The following RALYL variants were observed in gnomAD, a reference collection of about 807,000 sequenced individuals.
The protein encoded by RALYL is RNA-binding Raly-like protein.
RALYL carries 29 observed loss-of-function variants against 35.1 expected under a neutral mutation model. The ratio of observed to expected loss-of-function variants is 0.83; its 90% CI spans 0.61 to 1.13. RALYL has a LOEUF of 1.13. Among genes scored for constraint, RALYL ranks in the 50% most tolerant of loss-of-function variants. RALYL has a pLI of 0.00. For synonymous variants in RALYL, 120 were observed against 127.6 expected (o/e 0.94, Z 0.40); for missense variants, 359 against 360.4 (o/e 1.00, Z 0.03).
chr8:84,897,487 CA>C (rs1246459682), intron 8 of RALYL, among the ~76,000 whole-genome samples: 18 of 152,164 alleles, frequency 1.2e-4, no homozygotes, highest in African/African-American at 4.3e-4. Context: ...ACATTCAATT[CA>C]AAACAATTTA....
chr8:84,345,760 T>C (rs115869441), intron 1 of RALYL, among the ~76,000 whole-genome samples: 2,900 of 152,170 alleles, frequency 0.019, 89 homozygotes, highest in African/African-American at 0.066. Flanking sequence ...CTATGCTAGA[T>C]ACAAGTGTTA....
At chr8:84,559,120 A>T (rs1415574719) in intron 2 of RALYL, among the ~76,000 whole-genome samples, 4 of 151,618 alleles carry the variant, frequency 2.6e-5, no homozygotes, top group South Asian at 2.1e-4. Flanking sequence ...ACTGAGTGAT[A>T]TTTTTTTTAA....
chr8:84,424,785 G>A (rs1346972441), intron 1 of RALYL, among the ~76,000 whole-genome samples: 1 of 152,056 alleles, frequency 6.6e-6, no homozygotes, highest in African/African-American at 2.4e-5. Context: ...ACCCTCAGCT[G>A]CAGGTCTGTT....
At chr8:84,544,396 G>T (rs1251534431) in intron 2 of RALYL, among the ~76,000 whole-genome samples, 1 of 151,610 alleles carries the variant, frequency 6.6e-6, no homozygotes, top group Non-Finnish European at 1.5e-5. Context: ...GATAAATCAT[G>T]ATGTGTTAAA....
chr8:84,694,126 A>C (rs1370739818), intron 2 of RALYL, among the ~76,000 whole-genome samples: 1 of 151,942 alleles, frequency 6.6e-6, no homozygotes, highest in East Asian at 1.9e-4. Flanking sequence ...TGGGTAAGAC[A>C]AAGAAATAAA....
At chr8:84,734,870 A>T (rs1433282163) in intron 2 of RALYL, among the ~76,000 whole-genome samples, 1 of 152,148 alleles carries the variant, frequency 6.6e-6, no homozygotes, top group Non-Finnish European at 1.5e-5. Context: ...GAAAGAACCA[A>T]CAATTAAATA....
At chr8:84,290,858 A>C (rs1052157801) in intron 1 of RALYL, among the ~76,000 whole-genome samples, 2 of 152,188 alleles carry the variant, frequency 1.3e-5, no homozygotes, top group African/African-American at 4.8e-5. Context: ...CATTGGAGAA[A>C]AGTAGTATAT....
intron 2 of RALYL, among the ~76,000 whole-genome samples, chr8:84,630,511 G>A (rs1823683128): frequency 6.6e-6 from 1 of 152,032 alleles, no homozygotes; most frequent in South Asian, 2.1e-4. Context: ...GGGTAAGTGG[G>A]AAGGATGATG....
intron 2 of RALYL, among the ~76,000 whole-genome samples, chr8:84,745,851 T>G (rs1808481314): frequency 6.6e-6 from 1 of 152,020 alleles, no homozygotes; most frequent in South Asian, 2.1e-4. Context: ...ATTCCTGTGT[T>G]TTTTTAGCCT....
intron 4 of RALYL, among the ~76,000 whole-genome samples, chr8:84,816,972 A>G (rs1827461348): frequency 1.3e-5 from 2 of 152,186 alleles, no homozygotes; most frequent in Non-Finnish European, 2.9e-5. Flanking sequence ...AATGATAAAA[A>G]TATCAGAATT....
chr8:84,293,590 C>A (rs1022202141), intron 1 of RALYL, among the ~76,000 whole-genome samples: 1 of 152,080 alleles, frequency 6.6e-6, no homozygotes, highest in Non-Finnish European at 1.5e-5. Flanking sequence ...TACTCCAAAC[C>A]CATTGTGATA....
intron 4 of RALYL, among the ~76,000 whole-genome samples, chr8:84,834,997 C>T (rs947517451): frequency 1.3e-5 from 2 of 152,008 alleles, no homozygotes; most frequent in Non-Finnish European, 2.9e-5. Flanking sequence ...AGAATGAGAC[C>T]TGAACATTAA....
At chr8:84,308,389 C>A (rs1198290549) in intron 1 of RALYL, among the ~76,000 whole-genome samples, 1 of 152,086 alleles carries the variant, frequency 6.6e-6, no homozygotes, top group Non-Finnish European at 1.5e-5. Context: ...AAAACAGTCT[C>A]AACTCCCAAG....
Position 84,758,289 on chromosome 8 carries a change from G to A in RALYL, c.257-16290G>A, listed in dbSNP as rs1021044125. ...GGTGGAAAGGAGTAATACCTGATTA[G>A]TACTTTTTCTTTTTCTTACTATTTT... On this transcript the variant is annotated intron_variant, in intron 2 of 8. Transcript: ENST00000521268. 2.6e-5 allele frequency among the ~76,000 whole-genome samples: 4 copies of A among 152,108 alleles called. No individual in the cohort carries two copies. In the East Asian group the frequency reaches 5.8e-4, roughly 22 times the overall value.
rs1849426150 is a variant in RALYL at position 84,344,401 on chromosome 8, G to A, written c.-24+159977G>A. ...GTAACATACCTACATACTTTCAGGAGCTGGGCAGCGACATAAGTGAATAAA... is the reference window on the plus strand; with the variant it reads ...GTAACATACCTACATACTTTCAGGAACTGGGCAGCGACATAAGTGAATAAA... On this transcript the variant is annotated intron_variant, in intron 1 of 8. Transcript: ENST00000521268. Among the ~76,000 whole-genome samples, 3 of 152,108 alleles carry A rather than the reference G, an allele frequency of 2.0e-5. No individual in the cohort carries two copies. In the South Asian group the frequency reaches 6.2e-4, roughly 32 times the overall value.
intron 4 of RALYL, among the ~76,000 whole-genome samples, chr8:84,844,258 A>C (rs1267757047): frequency 2.0e-5 from 3 of 152,262 alleles, no homozygotes; most frequent in Non-Finnish European, 4.4e-5. Context: ...CAATGAACTC[A>C]AACAAATTTA....
chr8:84,590,059 A>C (rs1812895138), intron 2 of RALYL, among the ~76,000 whole-genome samples: 1 of 152,210 alleles, frequency 6.6e-6, no homozygotes. Flanking sequence ...TGTTCTGTAC[A>C]TTTTGGAAGA....
At chr8:84,525,141 A>G (rs1344340506) in intron 1 of RALYL, among the ~76,000 whole-genome samples, 1 of 151,818 alleles carries the variant, frequency 6.6e-6, no homozygotes, top group Non-Finnish European at 1.5e-5. Context: ...GATAGTATAG[A>G]TATCAAATGT....
chr8:84,920,956 G>A lies in RALYL; in HGVS notation c.*45G>A. On this transcript the variant is annotated 3_prime_UTR_variant, in exon 9 of 9. Coordinates refer to ENST00000521268, the MANE Select transcript of RALYL (RefSeq NM_173848.7). Reference sequence around the variant, plus strand: ...CCACAAAGCAGAAAAGAGAAACTGTGACAACCCCCAGAAATGTGAAAGGAG... The same window carrying A: ...CCACAAAGCAGAAAAGAGAAACTGTAACAACCCCCAGAAATGTGAAAGGAG... The A allele has an allele frequency of 7.8e-7, 1 of 1,283,126 alleles. No homozygotes were observed. Among genetic ancestry groups the A allele is most frequent in the Non-Finnish European group, 1.1e-6 (1 of 940,720 alleles). 79.5% of individuals were successfully genotyped at this position (1,283,126 alleles called of 1,614,324 possible). A position where few individuals can be genotyped will look rare whatever the true frequency, so the allele number is the denominator to read the frequency against.
Sources: allele counts gnomAD v4.1 joint callset (sites outside exome capture counted in the v4.1 genomes callset), GRCh38; gene constraint gnomAD v4.1.1; transcripts MANE v1.5; gene names NCBI Gene and HGNC (gene_info 2026-07-23, HGNC 2026-07-21).